Variants in AOPEP observed in about 807,000 individuals in gnomAD.
The protein encoded by AOPEP is aminopeptidase O (putative).
Under a neutral mutation model 98.1 loss-of-function variants are expected in AOPEP, and 77 were observed. The ratio of observed to expected loss-of-function variants is 0.78; its 90% CI spans 0.65 to 0.95. AOPEP has a LOEUF of 0.95. AOPEP is among the 40% of genes least tolerant of loss of function. The probability of loss-of-function intolerance (pLI) is 0.00; values close to 1 mark genes in which losing one functional copy is unlikely to be tolerated. For synonymous variants in AOPEP, 346 were observed against 365.3 expected, an observed-to-expected ratio of 0.95 and a Z score of 0.60; for missense variants, 1,024 against 1,024.7, an observed-to-expected ratio of 1.00 and a Z score of 0.01.
At chr9:95,147,206 T>C in the AOPEP span, among the ~76,000 whole-genome samples, 3 of 152,236 alleles carry the variant, frequency 2.0e-5, no homozygotes, top group Non-Finnish European at 2.9e-5. Flanking sequence ...TTTCTCATCC[T>C]ACAGATGTTT....
intron 5 of AOPEP, among the ~76,000 whole-genome samples, chr9:94,920,988 A>C (rs1233792493): frequency 6.6e-6 from 1 of 151,840 alleles, no homozygotes; most frequent in African/African-American, 2.4e-5. Flanking sequence ...AATAGAAGCA[A>C]GAGGGCTTGT....
rs71366268 is a variant in AOPEP at position 94,885,348 on chromosome 9, CAAAAAAAAAAAAAAAAAAAA to C, written c.1365-38615_1365-38596del. Among the ~76,000 whole-genome samples the C allele has an allele frequency of 3.6e-3, 131 of 35,974 alleles. 2 individuals carry two copies. The highest frequency in any genetic ancestry group is 7.8e-3 in the East Asian group (6 of 774). The allele number at this position is 35,974 out of a possible 152,430, so 23.6% of individuals were successfully genotyped here. A position where few individuals can be genotyped will look rare whatever the true frequency, so the allele number is the denominator to read the frequency against. On this transcript the variant is annotated intron_variant, in intron 5 of 16. Coordinates refer to ENST00000375315, the MANE Select transcript of AOPEP (RefSeq NM_001193329.3). ...TGGGTGACAGAGTGAGATCCTGTCT[CAAAAAAAAAAAAAAAAAAAA>C]AAAAAAAAAAAAAAAAAAAAAAGAC...
At chr9:94,948,961 T>G (rs2057898865) in intron 7 of AOPEP, among the ~76,000 whole-genome samples, 1 of 152,226 alleles carries the variant, frequency 6.6e-6, no homozygotes, top group Non-Finnish European at 1.5e-5. Flanking sequence ...TTATGTAGCG[T>G]GGGTTTTTCC....
At chr9:94,816,481 A>T (rs1851725930) in intron 5 of AOPEP, among the ~76,000 whole-genome samples, 2 of 152,316 alleles carry the variant, frequency 1.3e-5, no homozygotes, top group Middle Eastern at 3.4e-3. Flanking sequence ...AAAAAGGTAC[A>T]TGCACCTGGA....
Position 94,849,895 on chromosome 9 carries a change from C to T in AOPEP, c.1364+48893C>T, listed in dbSNP as rs560233836. On this transcript the variant is annotated intron_variant, in intron 5 of 16. Coordinates refer to ENST00000375315, the MANE Select transcript of AOPEP (RefSeq NM_001193329.3). ...ACTAAAAATACAAAAATTAGCCAGGCGTGGTGGCGTGAGCCTGTAATCCCA... is the reference window on the plus strand; with the variant it reads ...ACTAAAAATACAAAAATTAGCCAGGTGTGGTGGCGTGAGCCTGTAATCCCA... 3.9e-5 allele frequency among the ~76,000 whole-genome samples: 6 copies of T among 152,146 alleles called. No individual in the cohort carries two copies. The South Asian group carries it at 1.0e-3, about 26-fold the overall frequency.
At chr9:95,127,354 G>T in the AOPEP span, 1 of 152,206 alleles carries the variant, frequency 6.6e-6, no homozygotes, top group African/African-American at 2.4e-5. Flanking sequence ...TTATAGCAGG[G>T]TCCGTAACTT....
In AOPEP at chr9:94,979,743, TGGGGCAGGTGGTGGG is replaced by T. The variant is rs548841385; in HGVS notation, c.1977+328_1977+342del. On this transcript the variant is annotated intron_variant, in intron 11 of 16. Transcript: ENST00000375315. ...CACCAGCCAACAGTTCCATGCCCCG[TGGGGCAGGTGGTGGG>T]GGGGCAGGTGGCAGGGGAGCAGGTT... 5.1e-3 allele frequency among the ~76,000 whole-genome samples: 769 copies of T among 149,766 alleles called. 3 individuals are homozygous for T. The highest frequency in any genetic ancestry group is 0.037 in the South Asian group (177 of 4,774).
At chr9:95,044,178 G>C (rs147496813) in intron 13 of AOPEP, among the ~76,000 whole-genome samples, 1 of 152,298 alleles carries the variant, frequency 6.6e-6, no homozygotes, top group Non-Finnish European at 1.5e-5. Context: ...ACATTTACCT[G>C]TAATGGTTTT....
chr9:95,014,482 AAG>A (rs1407823496), intron 13 of AOPEP, among the ~76,000 whole-genome samples: 3 of 152,120 alleles, frequency 2.0e-5, no homozygotes, highest in Non-Finnish European at 4.4e-5. Context: ...AAAAAAAAAA[AAG>A]AGAAAAGAAA....
chr9:94,789,640 C>T (rs356134), intron 3 of AOPEP, among the ~76,000 whole-genome samples: 33,254 of 151,988 alleles, frequency 0.22, 5,123 homozygotes, highest in African/African-American at 0.43. Context: ...TAGGTAGTTA[C>T]GGAAAGACAG....
chr9:95,135,355 A>C, the AOPEP span: 15 of 1,614,022 alleles, frequency 9.3e-6, no homozygotes, highest in Non-Finnish European at 1.2e-5. Flanking sequence ...CCAGCGATGA[A>C]TCTTTTATAA....
In AOPEP at chr9:94,980,414, G is replaced by A. The variant is rs2060113189; in HGVS notation, c.1977+987G>A. 6.6e-6 allele frequency among the ~76,000 whole-genome samples: 1 copy of A among 152,228 alleles called. No homozygotes were observed. The highest frequency in any genetic ancestry group is 2.4e-5 in the African/African-American group (1 of 41,462). ...GTAGCCTGCTGGTTTCTGGTTTCATGGCTGGTTACATGAGCTTCCCCTTAG... is the reference window on the plus strand; with the variant it reads ...GTAGCCTGCTGGTTTCTGGTTTCATAGCTGGTTACATGAGCTTCCCCTTAG... On this transcript the variant is annotated intron_variant, in intron 11 of 16. Transcript: ENST00000375315. This position sits in a 1 kb window ranked among gnomAD's most constrained non-coding sequence, Gnocchi z 4.3.
At chr9:94,869,560 C>T (rs1441908521) in intron 5 of AOPEP, among the ~76,000 whole-genome samples, 2 of 152,150 alleles carry the variant, frequency 1.3e-5, no homozygotes, top group Non-Finnish European at 2.9e-5. Context: ...TGTCTCTTGG[C>T]AATCAATTGC....
chr9:94,955,364 A>C (rs1589066325), intron 8 of AOPEP, 85 bp downstream of exon 8: 1 of 813,878 alleles, frequency 1.2e-6, no homozygotes, highest in East Asian at 2.6e-5. Flanking sequence ...ATTAGTAACA[A>C]GACTGAGGTG....
chr9:95,057,033 A>C (rs1418308016), intron 13 of AOPEP, among the ~76,000 whole-genome samples: 1 of 152,312 alleles, frequency 6.6e-6, no homozygotes, highest in South Asian at 2.1e-4. Context: ...TTTCTTGTTT[A>C]TGCAAAGGAA....
the AOPEP span, among the ~76,000 whole-genome samples, chr9:95,144,911 C>T: frequency 6.6e-6 from 1 of 152,132 alleles, no homozygotes; most frequent in African/African-American, 2.4e-5. Flanking sequence ...AAACATAACG[C>T]TCGGACTCCT....
the AOPEP span, among the ~76,000 whole-genome samples, chr9:95,121,656 C>G: frequency 6.6e-5 from 10 of 152,296 alleles, no homozygotes; most frequent in African/African-American, 2.4e-4. Context: ...AACAGTACTT[C>G]CCCACAGCCA....
intron 10 of AOPEP, among the ~76,000 whole-genome samples, chr9:94,975,924 AC>A (rs1378276286): frequency 6.6e-6 from 1 of 152,182 alleles, no homozygotes. Context: ...ACACTACTGC[AC>A]TGGCATTCCT....
intron 14 of AOPEP, among the ~76,000 whole-genome samples, chr9:95,074,056 C>T (rs1441208937): frequency 6.6e-6 from 1 of 152,166 alleles, no homozygotes; most frequent in Non-Finnish European, 1.5e-5. Context: ...CAGTGCCTGT[C>T]ATGCAGTTGG....
Sources: gnomAD v4.1 joint callset for allele counts (sites outside exome capture counted in the v4.1 genomes callset) on GRCh38, gnomAD v4.1.1 for gene constraint, Gnocchi (gnomAD v3.1) non-coding constraint, MANE v1.5 for transcripts, NCBI Gene and HGNC (gene_info 2026-07-23, HGNC 2026-07-21) for gene names.